RBFOX1: variants seen among roughly 807,000 people sequenced by gnomAD.
RBFOX1 encodes RNA binding fox-1 homolog 1.
RBFOX1 carries 8 observed loss-of-function variants against 57.7 expected under a neutral mutation model. The observed-to-expected ratio is 0.14, with a 90% CI of 0.08 to 0.25. The LOEUF (loss-of-function observed/expected upper bound fraction) is 0.25. Ranked by LOEUF, RBFOX1 falls within the 10% of genes least tolerant of loss-of-function variation. RBFOX1 has a pLI of 1.00. For missense variants in RBFOX1, 611 were observed against 548.5 expected (o/e 1.11, Z -1.14); for synonymous variants, 326 against 222.4 (o/e 1.47, Z -4.15).
intron 12 of RBFOX1, among the ~76,000 whole-genome samples, chr16:7,662,075 C>G (rs2067901656): frequency 6.6e-6 from 1 of 152,170 alleles, no homozygotes; most frequent in African/African-American, 2.4e-5. Flanking sequence ...TCAGCCATAT[C>G]AAAGAACCCC....
At chr16:7,034,699 C>T (rs2043777477) in intron 3 of RBFOX1, among the ~76,000 whole-genome samples, 1 of 151,802 alleles carries the variant, frequency 6.6e-6, no homozygotes, top group South Asian at 2.1e-4. Flanking sequence ...ATTCGCCTTT[C>T]AGTGAGGACA....
At chr16:6,921,022 C>G (rs2074337014) in intron 3 of RBFOX1, among the ~76,000 whole-genome samples, 1 of 152,118 alleles carries the variant, frequency 6.6e-6, no homozygotes, top group Non-Finnish European at 1.5e-5. Context: ...CACAGTATCT[C>G]AAGTGGTTGT....
intron 3 of RBFOX1, among the ~76,000 whole-genome samples, chr16:6,853,600 C>G (rs1345481194): frequency 2.0e-5 from 3 of 152,098 alleles, no homozygotes; most frequent in African/African-American, 4.8e-5. Flanking sequence ...CCTCCTTGTA[C>G]TGTATGAAGC....
chr16:5,427,172 C>T (rs370264332), intron 1 of RBFOX1, among the ~76,000 whole-genome samples: 1 of 152,218 alleles, frequency 6.6e-6, no homozygotes, highest in Admixed American at 6.5e-5. Flanking sequence ...CTTGAGTGGG[C>T]TCACCAGAGA....
intron 4 of RBFOX1, among the ~76,000 whole-genome samples, chr16:7,134,071 G>C (rs142699173): frequency 6.6e-6 from 1 of 152,178 alleles, no homozygotes; most frequent in Non-Finnish European, 1.5e-5. Flanking sequence ...AGGGAATCAC[G>C]TTAGCACTTG....
intron 4 of RBFOX1, among the ~76,000 whole-genome samples, chr16:5,909,113 G>C (rs2058550579): frequency 1.9e-5 from 1 of 51,402 alleles, no homozygotes; most frequent in African/African-American, 7.4e-5. Flanking sequence ...TTTTTTTTGA[G>C]ACAGAGTCTT....
In RBFOX1 at chr16:7,713,263, A is replaced by G. The variant is rs1181978493; in HGVS notation, c.*2518A>G. The G allele has an allele frequency of 6.6e-6, 1 of 152,236 alleles. No homozygotes were observed. Among genetic ancestry groups the G allele is most frequent in the African/African-American group, 2.4e-5 (1 of 41,458 alleles). The allele number at this position is 152,236 out of a possible 1,614,324, so 9.4% of individuals were successfully genotyped here. On this transcript the variant is annotated 3_prime_UTR_variant, in exon 16 of 16. Coordinates refer to ENST00000550418, the MANE Select transcript of RBFOX1 (RefSeq NM_018723.4). ...TATCTGTCTTTAGAAATTAGTGTTT[A>G]TATCACTTACAGTGGTTTGTGAATA...
intron 3 of RBFOX1, among the ~76,000 whole-genome samples, chr16:6,977,326 A>T (rs1210173718): frequency 2.6e-5 from 4 of 151,984 alleles, no homozygotes; most frequent in Non-Finnish European, 5.9e-5. Flanking sequence ...AAGAATTGAT[A>T]TTATGATCTT....
At chr16:7,385,003 T>C (rs1237616686) in intron 4 of RBFOX1, among the ~76,000 whole-genome samples, 1 of 152,134 alleles carries the variant, frequency 6.6e-6, no homozygotes, top group Non-Finnish European at 1.5e-5. Context: ...TGGCAAATCA[T>C]GCCAAGGCAG....
At chr16:6,857,360 C>T (rs1204302493) in intron 3 of RBFOX1, among the ~76,000 whole-genome samples, 6 of 152,144 alleles carry the variant, frequency 3.9e-5, no homozygotes, top group South Asian at 2.1e-4. Context: ...TAAGTGCTCA[C>T]GTTATTCTTA....
At chr16:6,136,152 C>G in intron 1 of RBFOX1, among the ~76,000 whole-genome samples, 1 of 152,014 alleles carries the variant, frequency 6.6e-6, no homozygotes. Context: ...GCTAAGCTCG[C>G]GATGATAACA....
chr16:7,513,210 C>T (rs1046677394), intron 4 of RBFOX1, among the ~76,000 whole-genome samples: 2 of 151,948 alleles, frequency 1.3e-5, no homozygotes, highest in Non-Finnish European at 2.9e-5. Flanking sequence ...TTGCAGTGAG[C>T]CGAGAGCCTA....
chr16:6,805,835 C>G (rs1050393619), intron 3 of RBFOX1, among the ~76,000 whole-genome samples: 11 of 152,176 alleles, frequency 7.2e-5, no homozygotes, highest in African/African-American at 2.4e-4. Flanking sequence ...CAGCATCTAT[C>G]TCCGCCTTTC....
intron 1 of RBFOX1, among the ~76,000 whole-genome samples, chr16:6,161,513 C>T (rs2096879105): frequency 6.6e-6 from 1 of 152,136 alleles, no homozygotes; most frequent in South Asian, 2.1e-4. Context: ...TTTTGTCCTG[C>T]AGAGAAAACC....
intron 3 of RBFOX1, among the ~76,000 whole-genome samples, chr16:6,858,662 TAA>T (rs1049807537): frequency 1.3e-5 from 2 of 152,146 alleles, no homozygotes; most frequent in Non-Finnish European, 2.9e-5. Flanking sequence ...TAATCTCTAC[TAA>T]AAAATAGAAA....
intron 2 of RBFOX1, among the ~76,000 whole-genome samples, chr16:6,479,152 G>A (rs1031113720): frequency 4.6e-5 from 7 of 152,132 alleles, no homozygotes; most frequent in African/African-American, 1.4e-4. Flanking sequence ...GTATTAGTCC[G>A]TTCTAACACT....
chr16:5,757,478 C>T (rs1485645691), intron 3 of RBFOX1, among the ~76,000 whole-genome samples: 1 of 152,072 alleles, frequency 6.6e-6, no homozygotes. Context: ...GATCTGCCCT[C>T]CTCAGCCTCC....
Position 6,872,298 on chromosome 16 carries a change from C to A in RBFOX1, c.-15-179759C>A, listed in dbSNP as rs151130674. On this transcript the variant is annotated intron_variant, in intron 3 of 15. Transcript: ENST00000550418. Reference sequence around the variant, plus strand: ...CAGTTGGATAACTTGGGGTAGTTTGCTTCTCTGCAGTCTGTCTCCCTCTCT... The same window carrying A: ...CAGTTGGATAACTTGGGGTAGTTTGATTCTCTGCAGTCTGTCTCCCTCTCT... Among the ~76,000 whole-genome samples the A allele has an allele frequency of 4.8e-3, 732 of 152,216 alleles. 7 individuals are homozygous for A. The highest frequency in any genetic ancestry group is 0.017 in the African/African-American group (699 of 41,518).
chr16:6,677,212 A>G (rs1413069406), intron 3 of RBFOX1, among the ~76,000 whole-genome samples: 1 of 152,178 alleles, frequency 6.6e-6, no homozygotes, highest in African/African-American at 2.4e-5. Context: ...GCAGGACTAC[A>G]ACTAGAATAC....
Sources: gnomAD v4.1 joint callset for allele counts (sites outside exome capture counted in the v4.1 genomes callset) on GRCh38, gnomAD v4.1.1 for gene constraint, MANE v1.5 for transcripts, NCBI Gene and HGNC (gene_info 2026-07-23, HGNC 2026-07-21) for gene names.